PRKAG2: variants seen among roughly 807,000 people sequenced by gnomAD.
The protein encoded by PRKAG2 is protein kinase AMP-activated non-catalytic subunit gamma 2.
A neutral mutation model predicts 69.6 loss-of-function variants in PRKAG2; 26 were observed. That is an observed-to-expected ratio of 0.37 (90% CI 0.27 to 0.52). The LOEUF (loss-of-function observed/expected upper bound fraction) is 0.52. PRKAG2 is among the 20% of genes least tolerant of loss of function. The pLI, the probability that PRKAG2 is intolerant of heterozygous loss-of-function variation, is 0.90. For missense variants in PRKAG2, 557 were observed against 740.0 expected (o/e 0.75, Z 2.87); for synonymous variants, 293 against 285.0 (o/e 1.03, Z -0.28).
intron 5 of PRKAG2, among the ~76,000 whole-genome samples, chr7:151,625,633 G>T (rs1822655343): frequency 6.6e-6 from 1 of 152,238 alleles, no homozygotes; most frequent in African/African-American, 2.4e-5. Context: ...GGGAGTGAGG[G>T]AGAGAGGTGA....
chr7:151,581,889 A>G (rs1316119239), intron 6 of PRKAG2, among the ~76,000 whole-genome samples: 1 of 152,218 alleles, frequency 6.6e-6, no homozygotes, highest in East Asian at 1.9e-4. Flanking sequence ...AGCCCCCAAA[A>G]TGCTGCAGAT....
In PRKAG2 at chr7:151,781,163, C is replaced by T. The variant is rs765374050; in HGVS notation, c.455G>A (p.Arg152His). The T allele has an allele frequency of 4.8e-5, 78 of 1,613,706 alleles. No individual in the cohort carries two copies. Among genetic ancestry groups the T allele is most frequent in the South Asian group, 7.7e-5 (7 of 91,068 alleles). Residue 152 changes from arginine (R) to histidine (H), a missense_variant, in exon 3 of 16, where the codon CGC (arginine) becomes CAC (histidine). Physicochemically the swap from Arg to His is conservative, Grantham distance 29. This residue lies in a region of PRKAG2 where 352 missense variants were observed against 356.7 expected (regional missense o/e 0.99). Coordinates refer to ENST00000287878, the MANE Select transcript of PRKAG2 (RefSeq NM_016203.4). The surrounding 1 kb of genome is among the most constrained non-coding windows in gnomAD (Gnocchi z 6.1). ...CATCAAGGTCTTACTTTTTCTGGAG[C>T]GGGAGAAAAACCTGATGCCCCCGGG... Reference protein sequence around the residue: ...TSPGGIRFFSRSRKTSGLSSS... With the variant: ...TSPGGIRFFSHSRKTSGLSSS...
chr7:151,609,911 T>A (rs1818372302), intron 5 of PRKAG2, among the ~76,000 whole-genome samples: 1 of 152,190 alleles, frequency 6.6e-6, no homozygotes, highest in Admixed American at 6.5e-5. Flanking sequence ...ACGATCTGGG[T>A]GACTGACTGC....
chr7:151,755,132 C>T (rs2074997018), intron 3 of PRKAG2, among the ~76,000 whole-genome samples: 5 of 152,066 alleles, frequency 3.3e-5, no homozygotes, highest in Non-Finnish European at 5.9e-5. Flanking sequence ...GTACATCGGC[C>T]GGTTATTGGG....
At chr7:151,793,894 A>G (rs1313164076) in intron 1 of PRKAG2, among the ~76,000 whole-genome samples, 1 of 152,254 alleles carries the variant, frequency 6.6e-6, no homozygotes, top group Non-Finnish European at 1.5e-5. Flanking sequence ...ACCAGGCAGC[A>G]GGGGAGGGCC....
At chr7:151,713,985 G>T (rs1438623823) in intron 3 of PRKAG2, among the ~76,000 whole-genome samples, 1 of 152,112 alleles carries the variant, frequency 6.6e-6, no homozygotes, top group African/African-American at 2.4e-5. Flanking sequence ...ATCACAATTT[G>T]GGGGTTCAAG....
Position 151,630,270 on chromosome 7 carries a change from T to C in PRKAG2, c.754+1799A>G, listed in dbSNP as rs529184754. On this transcript the variant is annotated intron_variant, in intron 5 of 15. Coordinates refer to ENST00000287878, the MANE Select transcript of PRKAG2 (RefSeq NM_016203.4). The stretch of plus-strand genomic sequence containing the variant: ...TATATCTGCTTAGAGAAATGCATAA[T>C]TAAATTAATAAATCTCAAGTAAGAA... 6.6e-5 allele frequency among the ~76,000 whole-genome samples: 10 copies of C among 152,254 alleles called. No homozygotes were observed. The East Asian group carries it at 1.9e-3, about 29-fold the overall frequency.
In PRKAG2 at chr7:151,835,904, T is replaced by A. The variant is rs1160506258; in HGVS notation, c.114+40603A>T. The stretch of plus-strand genomic sequence containing the variant: ...AGCCTTTCCGTATTCAAGAGTGGGG[T>A]GCAGCTCAGGGAGGCATCGGAGATG... On this transcript the variant is annotated intron_variant, in intron 1 of 15. Transcript: ENST00000287878. The surrounding 1 kb of genome is among the most constrained non-coding windows in gnomAD (Gnocchi z 4.1). Among the ~76,000 whole-genome samples, 3 of 151,956 alleles carry A rather than the reference T, an allele frequency of 2.0e-5. No homozygotes were observed.
intron 1 of PRKAG2, among the ~76,000 whole-genome samples, chr7:151,862,888 G>A (rs1236159594): frequency 2.0e-5 from 3 of 151,446 alleles, no homozygotes; most frequent in African/African-American, 7.3e-5. Context: ...GTCTCTGGGT[G>A]CAGGGAGCAC....
intron 3 of PRKAG2, among the ~76,000 whole-genome samples, chr7:151,714,303 G>A (rs1373626671): frequency 1.3e-5 from 2 of 152,120 alleles, no homozygotes; most frequent in Admixed American, 6.6e-5. Context: ...TGGGGGAGGC[G>A]GCAGGGCTTC....
chr7:151,727,215 C>CA (rs57353138), intron 3 of PRKAG2, among the ~76,000 whole-genome samples: 168 of 145,444 alleles, frequency 1.2e-3, no homozygotes, highest in East Asian at 2.4e-3. Flanking sequence ...AACTCAGTCT[C>CA]AAAAAAAAAA....
At chr7:151,873,036 C>T (rs532816912) in intron 1 of PRKAG2, among the ~76,000 whole-genome samples, 1 of 152,342 alleles carries the variant, frequency 6.6e-6, no homozygotes, top group East Asian at 1.9e-4. Context: ...TATGCTAAAA[C>T]ATGATTCATT....
At chr7:151,590,562 C>T (rs1407167950) in intron 6 of PRKAG2, among the ~76,000 whole-genome samples, 2 of 152,224 alleles carry the variant, frequency 1.3e-5, no homozygotes, top group Non-Finnish European at 2.9e-5. Flanking sequence ...TCCCCAGTGT[C>T]TGAGAATCAC....
At chr7:151,809,064 C>A (rs1009378208) in intron 1 of PRKAG2, among the ~76,000 whole-genome samples, 1 of 152,216 alleles carries the variant, frequency 6.6e-6, no homozygotes, top group Non-Finnish European at 1.5e-5. Flanking sequence ...GGCTCTACGC[C>A]TTGCACGGAT....
At chr7:151,856,867 G>A (rs951837494) in intron 1 of PRKAG2, among the ~76,000 whole-genome samples, 1 of 152,118 alleles carries the variant, frequency 6.6e-6, no homozygotes, top group Non-Finnish European at 1.5e-5. Context: ...TAAAGGAGGA[G>A]AAGATACAGG....
chr7:151,675,788 C>T (rs1304016602), intron 3 of PRKAG2, 151 bp from the exon 4 acceptor site: 1 of 773,884 alleles, frequency 1.3e-6, no homozygotes, highest in Non-Finnish European at 2.2e-6. Context: ...AGAGGTCCGG[C>T]CTCCAGGAAG....
intron 4 of PRKAG2, among the ~76,000 whole-genome samples, chr7:151,666,414 C>T (rs1024626290): frequency 5.3e-5 from 8 of 152,224 alleles, no homozygotes; most frequent in African/African-American, 1.9e-4. Context: ...CTGCCAACAC[C>T]TTGATCTTGG....
In PRKAG2 at chr7:151,772,032, T is replaced by G. The variant is rs114364586; in HGVS notation, c.466+9120A>C. Among the ~76,000 whole-genome samples the G allele has an allele frequency of 8.2e-3, 1,249 of 152,348 alleles. 22 individuals are homozygous for G. The highest frequency in any genetic ancestry group is 0.028 in the African/African-American group (1,175 of 41,572). ...AGCTTTGAATAAAACAGAATTCCTG[T>G]CCTCAGACAGTTTACACTCTGGTGG... On this transcript the variant is annotated intron_variant, in intron 3 of 15. Transcript: ENST00000287878.
chr7:151,635,447 G>A (rs1825567810), intron 4 of PRKAG2, among the ~76,000 whole-genome samples: 1 of 152,134 alleles, frequency 6.6e-6, no homozygotes, highest in Admixed American at 6.5e-5. Flanking sequence ...GTCGTTCAAT[G>A]GATGAATGGT....
Sources: allele counts gnomAD v4.1 joint callset (sites outside exome capture counted in the v4.1 genomes callset), GRCh38; gene constraint gnomAD v4.1.1; regional missense constraint gnomAD v4.1.1; non-coding constraint Gnocchi (gnomAD v3.1); transcripts MANE v1.5; gene names NCBI Gene and HGNC (gene_info 2026-07-23, HGNC 2026-07-21).